Variants in MACROD2 observed in about 807,000 individuals in gnomAD.
MACROD2 encodes the protein ADP-ribose glycohydrolase MACROD2.
MACROD2 carries 36 observed loss-of-function variants against 70.4 expected under a neutral mutation model. The ratio of observed to expected loss-of-function variants is 0.51; its 90% confidence interval spans 0.39 to 0.68. The LOEUF (loss-of-function observed/expected upper bound fraction) is 0.68, where lower values mean the gene tolerates loss of function less well. MACROD2 is among the 30% of genes least tolerant of loss of function. The pLI, the probability that MACROD2 is intolerant of heterozygous loss-of-function variation, is 0.00. For synonymous variants in MACROD2, 172 were observed against 178.8 expected, an observed-to-expected ratio of 0.96 and a Z score of 0.30; for missense variants, 496 against 538.4, an observed-to-expected ratio of 0.92 and a Z score of 0.78.
intron 8 of MACROD2, among the ~76,000 whole-genome samples, chr20:15,622,543 G>C (rs1021683506): frequency 1.3e-5 from 2 of 152,162 alleles, no homozygotes; most frequent in Non-Finnish European, 2.9e-5. Flanking sequence ...AGCGTCTACA[G>C]TGTGGATACA....
chr20:15,640,575 A>G (rs2049445109), intron 8 of MACROD2, among the ~76,000 whole-genome samples: 1 of 152,222 alleles, frequency 6.6e-6, no homozygotes, highest in East Asian at 1.9e-4. Context: ...CTGCCCATGC[A>G]GAGAACATAG....
At chr20:14,311,644 A>G (rs1241719479) in intron 3 of MACROD2, among the ~76,000 whole-genome samples, 1 of 152,092 alleles carries the variant, frequency 6.6e-6, no homozygotes, top group Non-Finnish European at 1.5e-5. Context: ...CAGCCTCCCA[A>G]GTAGCTGGGA....
intron 4 of MACROD2, among the ~76,000 whole-genome samples, chr20:14,674,785 T>G (rs1437752061): frequency 1.3e-5 from 2 of 152,220 alleles, no homozygotes; most frequent in African/African-American, 4.8e-5. Context: ...TTTAACAAAT[T>G]TATGGTAATT....
At chr20:15,849,401 G>T (rs1393014689) in intron 8 of MACROD2, among the ~76,000 whole-genome samples, 1 of 152,162 alleles carries the variant, frequency 6.6e-6, no homozygotes, top group African/African-American at 2.4e-5. Context: ...CTGCATGCAC[G>T]TCAGATGCTA....
At chr20:14,900,436 T>A (rs181801955) in intron 5 of MACROD2, among the ~76,000 whole-genome samples, 1 of 152,122 alleles carries the variant, frequency 6.6e-6, no homozygotes, top group Admixed American at 6.5e-5. Context: ...ACCATTTAGG[T>A]CTGGGCTTTT....
At chr20:14,479,722 C>T (rs2084640685) in intron 3 of MACROD2, among the ~76,000 whole-genome samples, 1 of 151,998 alleles carries the variant, frequency 6.6e-6, no homozygotes, top group African/African-American at 2.4e-5. Flanking sequence ...TCAGCTTCAT[C>T]TGAGAGGGCA....
intron 3 of MACROD2, chr20:14,223,387 T>C (rs2081699420): frequency 6.6e-6 from 1 of 152,180 alleles, no homozygotes; most frequent in East Asian, 1.9e-4. Flanking sequence ...CCCTATCTAG[T>C]CATGGTGTGA....
chr20:14,013,985 A>G (rs946746598), intron 2 of MACROD2, among the ~76,000 whole-genome samples: 1 of 152,116 alleles, frequency 6.6e-6, no homozygotes, highest in Non-Finnish European at 1.5e-5. Flanking sequence ...CAAATCTTTC[A>G]TTTTTTGATA....
intron 8 of MACROD2, among the ~76,000 whole-genome samples, chr20:15,770,423 G>A (rs2051605388): frequency 6.6e-6 from 1 of 152,050 alleles, no homozygotes; most frequent in South Asian, 2.1e-4. Flanking sequence ...CACTTCTCTG[G>A]GGAGATGATG....
intron 3 of MACROD2, among the ~76,000 whole-genome samples, chr20:14,440,831 A>C (rs1445509144): frequency 1.3e-5 from 2 of 152,166 alleles, no homozygotes; most frequent in Non-Finnish European, 2.9e-5. Context: ...GACCACATTC[A>C]GAGTTCATGG....
Position 14,320,663 on chromosome 20 carries a change from ATTTTTTTT to A in MACROD2, c.272-172798_272-172791del, listed in dbSNP as rs11087086. 6.5e-3 allele frequency among the ~76,000 whole-genome samples: 801 copies of A among 123,692 alleles called. 3 individuals carry two copies. The highest frequency in any genetic ancestry group is 0.039 in the South Asian group (135 of 3,480). 81.1% of individuals were successfully genotyped at this position (123,692 alleles called of 152,430 possible). A position where few individuals can be genotyped will look rare whatever the true frequency, so the allele number is the denominator to read the frequency against. On this transcript the variant is annotated intron_variant, in intron 3 of 17. Coordinates refer to ENST00000684519, the MANE Select transcript of MACROD2 (RefSeq NM_001351661.2). ...TGACCACATCATAATCACCTTTGGA[ATTTTTTTT>A]TTTTTTTTTTTTTTTTTGAAATGTA...
intron 6 of MACROD2, among the ~76,000 whole-genome samples, chr20:15,403,690 CTT>C (rs35475563): frequency 0.04 from 6,053 of 152,164 alleles, 369 homozygotes; most frequent in African/African-American, 0.14. Flanking sequence ...ATTTTTGTCT[CTT>C]AATATGAGCA....
intron 8 of MACROD2, among the ~76,000 whole-genome samples, chr20:15,661,122 C>T (rs2049816009): frequency 6.6e-6 from 1 of 152,052 alleles, no homozygotes; most frequent in South Asian, 2.1e-4. Flanking sequence ...TTTTACCTTT[C>T]AGGGGACATC....
intron 7 of MACROD2, among the ~76,000 whole-genome samples, chr20:15,482,590 G>A (rs990214511): frequency 1.3e-5 from 2 of 152,184 alleles, no homozygotes; most frequent in African/African-American, 4.8e-5. Flanking sequence ...ACCAAGGTGT[G>A]AGATTGCTGG....
chr20:15,088,415 A>T (rs1217605397), intron 5 of MACROD2, among the ~76,000 whole-genome samples: 2 of 47,776 alleles, frequency 4.2e-5, no homozygotes, highest in African/African-American at 1.2e-4. Context: ...ATATATATAT[A>T]TATATATATA....
At chr20:14,938,820 GGA>G (rs1386924501) in intron 5 of MACROD2, among the ~76,000 whole-genome samples, 2 of 151,868 alleles carry the variant, frequency 1.3e-5, no homozygotes, top group African/African-American at 4.8e-5. Flanking sequence ...TTGTGGTCAG[GGA>G]GAGAGATTTC....
chr20:15,518,480 A>G (rs538068062), intron 8 of MACROD2, among the ~76,000 whole-genome samples: 1 of 152,322 alleles, frequency 6.6e-6, no homozygotes, highest in East Asian at 1.9e-4. Flanking sequence ...GCAGAGGCCA[A>G]ATTATTTTCC....
intron 5 of MACROD2, among the ~76,000 whole-genome samples, chr20:14,906,476 AGAGT>A (rs1018326510): frequency 2.0e-5 from 3 of 152,218 alleles, no homozygotes; most frequent in Non-Finnish European, 4.4e-5. Flanking sequence ...CCTGGGCAAC[AGAGT>A]GAGACTCAGT....
At chr20:14,367,158 G>C (rs2083280310) in intron 3 of MACROD2, among the ~76,000 whole-genome samples, 1 of 152,012 alleles carries the variant, frequency 6.6e-6, no homozygotes, top group African/African-American at 2.4e-5. Context: ...GATTCAATAG[G>C]ATATCAAAGT....
Sources: gnomAD v4.1 joint callset for allele counts (sites outside exome capture counted in the v4.1 genomes callset) on GRCh38, gnomAD v4.1.1 for gene constraint, MANE v1.5 for transcripts, NCBI Gene and HGNC (gene_info 2026-07-23, HGNC 2026-07-21) for gene names.